The following CADPS variants were observed in gnomAD, a reference collection of about 807,000 sequenced individuals.
CADPS encodes the protein calcium dependent secretion activator.
A neutral mutation model predicts 167.3 loss-of-function variants in CADPS; 57 were observed. The ratio of observed to expected loss-of-function variants is 0.34; its 90% CI spans 0.28 to 0.42. CADPS has a LOEUF of 0.42. Ranked by LOEUF, CADPS falls within the 20% of genes least tolerant of loss-of-function variation. CADPS has a pLI of 1.00. For synonymous variants in CADPS, 676 were observed against 635.3 expected (o/e 1.06, Z -0.96); for missense variants, 1,414 against 1,738.1 (o/e 0.81, Z 3.32).
intron 3 of CADPS, among the ~76,000 whole-genome samples, chr3:62,728,380 T>G (rs1237580658): frequency 6.6e-6 from 1 of 151,718 alleles, no homozygotes; most frequent in Non-Finnish European, 1.5e-5. Flanking sequence ...ATTAGGAAAA[T>G]TTTTTCTATA....
chr3:62,715,371 T>TA (rs1166889973), intron 3 of CADPS, among the ~76,000 whole-genome samples: 2 of 148,864 alleles, frequency 1.3e-5, no homozygotes, highest in East Asian at 4.0e-4. Context: ...TCTATCTATC[T>TA]ACCTATCTAT....
Position 62,412,071 on chromosome 3 carries a change from A to C in CADPS, c.3778-8886T>G, listed in dbSNP as rs2049062601. Among the ~76,000 whole-genome samples, 1 of 152,028 alleles carries C rather than the reference A, an allele frequency of 6.6e-6. No individual in the cohort carries two copies. The highest frequency in any genetic ancestry group is 1.5e-5 in the Non-Finnish European group (1 of 67,982). The stretch of plus-strand genomic sequence containing the variant: ...TCAGACACCGAAGCTCTAAACAGAC[A>C]CCAAAATCAGAGGGTACAGATAATC... On this transcript the variant is annotated intron_variant, in intron 28 of 29. Transcript: ENST00000383710. The surrounding 1 kb of genome is among the most constrained non-coding windows in gnomAD (Gnocchi z 4.1).
intron 2 of CADPS, among the ~76,000 whole-genome samples, chr3:62,760,561 A>T (rs1362099122): frequency 6.6e-6 from 1 of 151,884 alleles, no homozygotes; most frequent in East Asian, 1.9e-4. Flanking sequence ...CTTGGACACT[A>T]AACTCATCCT....
At chr3:62,626,462 TG>T in intron 6 of CADPS, 1 of 701,226 alleles carries the variant, frequency 1.4e-6, no homozygotes, top group East Asian at 2.7e-5. Context: ...TTGGGTACTG[TG>T]ACTCTTCAAG....
chr3:62,843,492 GGTGTGTGTGT>G (rs150223612), intron 1 of CADPS, among the ~76,000 whole-genome samples: 13,574 of 149,064 alleles, frequency 0.091, 731 homozygotes, highest in East Asian at 0.24. Context: ...TGGCAGTTGG[GGTGTGTGTGT>G]GTGTGTGTGT....
chr3:62,618,161 T>G (rs986803458), intron 6 of CADPS, among the ~76,000 whole-genome samples: 1 of 152,118 alleles, frequency 6.6e-6, no homozygotes, highest in Non-Finnish European at 1.5e-5. Flanking sequence ...CACTGCAGAA[T>G]GCAAGCCATG....
At chr3:62,623,536 T>C (rs1353029008) in intron 6 of CADPS, among the ~76,000 whole-genome samples, 1 of 152,206 alleles carries the variant, frequency 6.6e-6, no homozygotes, top group Admixed American at 6.5e-5. Flanking sequence ...CTATTTATTT[T>C]TGGCATATAA....
At chr3:62,853,348 G>A (rs2079001393) in intron 1 of CADPS, among the ~76,000 whole-genome samples, 1 of 152,130 alleles carries the variant, frequency 6.6e-6, no homozygotes, top group Admixed American at 6.5e-5. Flanking sequence ...TCTAGGGCCA[G>A]GTGTGGTGGC....
chr3:62,826,120 G>A (rs2073995146), intron 1 of CADPS, among the ~76,000 whole-genome samples: 1 of 152,140 alleles, frequency 6.6e-6, no homozygotes, highest in Admixed American at 6.6e-5. Context: ...TGAGGCAGGT[G>A]GTAGAAGATG....
Position 62,455,541 on chromosome 3 carries a change from G to T in CADPS, c.3637-9744C>A, listed in dbSNP as rs77023211. ...GCCACATTGTATGCTTTTCCATTTTGTTGATTTTTGTGACATGATCTTATT... is the reference window on the plus strand; with the variant it reads ...GCCACATTGTATGCTTTTCCATTTTTTTGATTTTTGTGACATGATCTTATT... On this transcript the variant is annotated intron_variant, in intron 26 of 29. Transcript: ENST00000383710. This position sits in a 1 kb window ranked among gnomAD's most constrained non-coding sequence, Gnocchi z 4.4. Among the ~76,000 whole-genome samples the T allele has an allele frequency of 8.4e-3, 1,286 of 152,206 alleles. 26 individuals are homozygous for T. The highest frequency in any genetic ancestry group is 0.029 in the African/African-American group (1,197 of 41,560).
At chr3:62,606,035 C>T (rs1237482008) in intron 6 of CADPS, among the ~76,000 whole-genome samples, 3 of 152,120 alleles carry the variant, frequency 2.0e-5, no homozygotes, top group Non-Finnish European at 4.4e-5. Context: ...GCCTGGAACA[C>T]TTCCTCTCAC....
intron 1 of CADPS, among the ~76,000 whole-genome samples, chr3:62,868,964 G>A (rs2082171122): frequency 6.6e-6 from 1 of 152,088 alleles, no homozygotes; most frequent in Non-Finnish European, 1.5e-5. Context: ...TAGTGGCAGG[G>A]TTTGAGCTAA....
chr3:62,855,335 T>C (rs529749574), intron 1 of CADPS, among the ~76,000 whole-genome samples: 1 of 152,084 alleles, frequency 6.6e-6, no homozygotes, highest in South Asian at 2.1e-4. Flanking sequence ...ACATCCTTGA[T>C]TTTCACTAAA....
Position 62,518,379 on chromosome 3 carries a change from G to A in CADPS, c.2292-129C>T, listed in dbSNP as rs2069528690. On this transcript the variant is annotated intron_variant, in intron 13 of 29. Coordinates refer to ENST00000383710, the MANE Select transcript of CADPS (RefSeq NM_003716.4). ...AGTGATCGATGTGAGCTCAGGAGAA[G>A]CCCAGCTATTCAGGGCTAGCTTCCA... is the stretch of plus-strand genomic sequence containing the variant. 2.4e-5 allele frequency: 16 copies of A among 669,574 alleles called. 1 individual carries two copies. In the South Asian group the frequency reaches 3.0e-4, roughly 13 times the overall value. The allele number at this position is 669,574 out of a possible 1,614,324, so 41.5% of individuals were successfully genotyped here.
chr3:62,844,271 A>T (rs2153058749), intron 1 of CADPS, among the ~76,000 whole-genome samples: 1 of 152,288 alleles, frequency 6.6e-6, no homozygotes, highest in East Asian at 1.9e-4. Flanking sequence ...AACAGCAGAA[A>T]TCTTAGACTT....
chr3:62,493,761 A>G lies in CADPS; in HGVS notation c.2707-96T>C, dbSNP rs548159550. On this transcript the variant is annotated intron_variant, in intron 18 of 29. Transcript: ENST00000383710. Reference sequence around the variant, plus strand: ...ACACCTGCTGTTTCCATTTTAATTTACAGTAAAACCTCACTGATTCAGATT... The same window carrying G: ...ACACCTGCTGTTTCCATTTTAATTTGCAGTAAAACCTCACTGATTCAGATT... 6 of 1,022,066 alleles carry G rather than the reference A, an allele frequency of 5.9e-6. No individual in the cohort carries two copies. The South Asian group carries it at 7.0e-5, about 12-fold the overall frequency. 63.3% of individuals were successfully genotyped at this position (1,022,066 alleles called of 1,614,324 possible). A position where few individuals can be genotyped will look rare whatever the true frequency, so the allele number is the denominator to read the frequency against.
chr3:62,532,717 TTGTGTGTGTGTGTGTGTG>T lies in CADPS; in HGVS notation c.2291+136_2291+153del, dbSNP rs10586016. ...GAAAGGAGAAGAAAGTTAGTGCCCT[TTGTGTGTGTGTGTGTGTG>T]TGTGTGTGTGTGTGTACGTGTGCAC... is the stretch of plus-strand genomic sequence containing the variant. On this transcript the variant is annotated intron_variant, in intron 13 of 29. Transcript: ENST00000383710. Among the ~76,000 whole-genome samples, 5 of 148,908 alleles carry T rather than the reference TTGTGTGTGTGTGTGTGTG, an allele frequency of 3.4e-5. No homozygotes were observed. In the South Asian group the frequency reaches 6.5e-4, roughly 19 times the overall value.
chr3:62,728,342 C>T lies in CADPS; in HGVS notation c.888+25099G>A, dbSNP rs952522913. Among the ~76,000 whole-genome samples, 2 of 151,796 alleles carry T rather than the reference C, an allele frequency of 1.3e-5. 1 individual carries two copies. The highest frequency in any genetic ancestry group is 4.9e-5 in the African/African-American group (2 of 41,110). On this transcript the variant is annotated intron_variant, in intron 3 of 29. Coordinates refer to ENST00000383710, the MANE Select transcript of CADPS (RefSeq NM_003716.4). The stretch of plus-strand genomic sequence containing the variant: ...GGAGGTGGATGTTATATGTTCCTTA[C>T]TACCTTTAACAATCTGTTTACAACC...
Position 62,851,436 on chromosome 3 carries a change from C to T in CADPS, c.441+23153G>A, listed in dbSNP as rs1023829309. 3.9e-3 allele frequency among the ~76,000 whole-genome samples: 572 copies of T among 146,886 alleles called. 7 individuals carry two copies. The highest frequency in any genetic ancestry group is 7.2e-3 in the Middle Eastern group (2 of 278). On this transcript the variant is annotated intron_variant, in intron 1 of 29. Coordinates refer to ENST00000383710, the MANE Select transcript of CADPS (RefSeq NM_003716.4). Reference sequence around the variant, plus strand: ...ACTGGTTGTTCCTTTCCATGTTTAGCGCTTCCTTCAGGAGCTCTTTTAGGG... The same window carrying T: ...ACTGGTTGTTCCTTTCCATGTTTAGTGCTTCCTTCAGGAGCTCTTTTAGGG...
Sources: allele counts gnomAD v4.1 joint callset (sites outside exome capture counted in the v4.1 genomes callset), GRCh38; gene constraint gnomAD v4.1.1; non-coding constraint Gnocchi (gnomAD v3.1); transcripts MANE v1.5; gene names NCBI Gene and HGNC (gene_info 2026-07-23, HGNC 2026-07-21).